CREG2: variants seen among roughly 807,000 people sequenced by gnomAD.
The protein encoded by CREG2 is cellular repressor of E1A stimulated genes 2.
In CREG2, 24 loss-of-function variants were observed where a neutral mutation model predicts 26.2. That is an observed-to-expected ratio of 0.92 (90% CI 0.66 to 1.29). The LOEUF (loss-of-function observed/expected upper bound fraction) is 1.29. Among genes scored for constraint, CREG2 ranks in the 50% most tolerant of loss-of-function variants. The probability of loss-of-function intolerance (pLI) is 0.00; values close to 1 mark genes in which losing one functional copy is unlikely to be tolerated. For synonymous variants in CREG2, 174 were observed against 169.2 expected, an observed-to-expected ratio of 1.03 and a Z score of -0.22; for missense variants, 366 against 398.6, an observed-to-expected ratio of 0.92 and a Z score of 0.70.
rs185370268 is a variant in CREG2, at chr2:101,368,559, C to T, written c.612-13193G>A. Among the ~76,000 whole-genome samples the T allele has an allele frequency of 8.2e-4, 125 of 152,270 alleles. 1 individual carries two copies. The highest frequency in any genetic ancestry group is 2.8e-3 in the African/African-American group (118 of 41,550). The stretch of plus-strand genomic sequence containing the variant: ...TCCAGCAGGAGACACAGACACCAGA[C>T]GGCTTGCCACGCAATTAGTGATTTC... On this transcript the variant is annotated intron_variant, in intron 2 of 3. Coordinates refer to ENST00000324768, the MANE Select transcript of CREG2 (RefSeq NM_153836.4).
chr2:101,372,030 G>C (rs889921885), intron 2 of CREG2, among the ~76,000 whole-genome samples: 7 of 152,188 alleles, frequency 4.6e-5, no homozygotes, highest in African/African-American at 1.7e-4. Flanking sequence ...GGTCAGGTTG[G>C]GCAGGAGCTG....
intron 2 of CREG2, among the ~76,000 whole-genome samples, chr2:101,360,748 A>T (rs549825788): frequency 1.3e-5 from 2 of 152,186 alleles, no homozygotes; most frequent in South Asian, 4.1e-4. Context: ...AGAAAAAAAA[A>T]AAAAAGAAAG....
intron 2 of CREG2, among the ~76,000 whole-genome samples, chr2:101,372,945 C>T (rs957158287): frequency 7.9e-5 from 12 of 152,190 alleles, no homozygotes; most frequent in African/African-American, 2.2e-4. Context: ...CAAGATATTA[C>T]TTCACACCCA....
intron 2 of CREG2, among the ~76,000 whole-genome samples, chr2:101,361,321 T>C (rs1684536692): frequency 6.6e-6 from 1 of 152,182 alleles, no homozygotes. Context: ...AACATGTGAA[T>C]ATGTTCCCTT....
At chr2:101,376,568 C>G (rs973609442) in intron 2 of CREG2, among the ~76,000 whole-genome samples, 4 of 152,188 alleles carry the variant, frequency 2.6e-5, no homozygotes, top group African/African-American at 9.7e-5. Flanking sequence ...GCATGAGCCA[C>G]CTCACCTGGC....
At chr2:101,360,165 T>C (rs1349466467) in intron 2 of CREG2, among the ~76,000 whole-genome samples, 2 of 152,182 alleles carry the variant, frequency 1.3e-5, no homozygotes, top group East Asian at 3.9e-4. Context: ...AAATGTTGAT[T>C]TACTGGGCAC....
Position 101,346,491 on chromosome 2 carries a change from C to T in CREG2, c.*4432G>A, listed in dbSNP as rs777368200. On this transcript the variant is annotated 3_prime_UTR_variant, in exon 4 of 4. Coordinates refer to ENST00000324768, the MANE Select transcript of CREG2 (RefSeq NM_153836.4). The stretch of plus-strand genomic sequence containing the variant: ...TCCTCCTAAGTGACCCACTTAAAAT[C>T]TATACAGCAGATTTGTTGAATTCTT... The T allele has an allele frequency of 6.6e-6, 1 of 152,174 alleles. No individual in the cohort carries two copies. The highest frequency in any genetic ancestry group is 1.5e-5 in the Non-Finnish European group (1 of 68,028). The allele number at this position is 152,174 out of a possible 1,614,324, so 9.4% of individuals were successfully genotyped here.
chr2:101,351,044 C>T lies in CREG2; in HGVS notation c.752G>A (p.Arg251His), dbSNP rs149973647. Residue 251 changes from arginine to histidine, a missense_variant, in exon 4 of 4, where the codon CGT (arginine) becomes CAT (histidine). Physicochemically the swap from Arg to His is conservative, Grantham distance 29. This residue lies in a region of CREG2 where 174 missense variants were observed against 178.2 expected (regional missense o/e 0.98). Transcript: ENST00000324768. ...SRHPGMRKWP[R>H]QYEWFFMKMR... ...CTTCATAAAGAACCATTCATATTGA[C>T]GAGGCCACTTCCTCATCCCTGGGTG... The T allele has an allele frequency of 6.8e-5, 110 of 1,614,116 alleles. No individual in the cohort carries two copies. Among genetic ancestry groups the T allele is most frequent in the African/African-American group, 3.3e-4 (25 of 75,054 alleles).
chr2:101,377,390 C>G (rs1299642913), intron 2 of CREG2, among the ~76,000 whole-genome samples: 1 of 152,138 alleles, frequency 6.6e-6, no homozygotes. Flanking sequence ...GAGTCCTCCC[C>G]GGTCCCAAAG....
chr2:101,360,119 CT>C (rs1032739054), intron 2 of CREG2, among the ~76,000 whole-genome samples: 3 of 152,144 alleles, frequency 2.0e-5, no homozygotes, highest in Non-Finnish European at 4.4e-5. Flanking sequence ...CCTTTACTCC[CT>C]TTTTTTCTTT....
At chr2:101,380,123 T>A (rs569712547) in intron 2 of CREG2, among the ~76,000 whole-genome samples, 1 of 152,352 alleles carries the variant, frequency 6.6e-6, no homozygotes, top group African/African-American at 2.4e-5. Flanking sequence ...CTATGTATAA[T>A]CTATTTTTCC....
intron 2 of CREG2, among the ~76,000 whole-genome samples, chr2:101,372,631 C>T: frequency 6.6e-6 from 1 of 152,206 alleles, no homozygotes; most frequent in African/African-American, 2.4e-5. Context: ...TGACAGAGAA[C>T]ATGTGCAACT....
At chr2:101,377,760 C>T (rs1490952374) in intron 2 of CREG2, among the ~76,000 whole-genome samples, 1 of 152,174 alleles carries the variant, frequency 6.6e-6, no homozygotes, top group Admixed American at 6.5e-5. Flanking sequence ...GAAGGCATCA[C>T]AGCACCCAGG....
At chr2:101,382,700 T>C (rs1684895261) in intron 2 of CREG2, 2 of 985,276 alleles carry the variant, frequency 2.0e-6, no homozygotes, top group South Asian at 9.4e-5. Flanking sequence ...ACTAATACAT[T>C]GTTTGGTTAT....
In CREG2 at chr2:101,383,721, G is replaced by A; in HGVS notation, c.442-19C>T. The A allele has an allele frequency of 6.3e-7, 1 of 1,577,552 alleles. No homozygotes were observed. The highest frequency in any genetic ancestry group is 8.6e-7 in the Non-Finnish European group (1 of 1,162,204). ...CTTGGATCTAACAAACACCAAAAAA[G>A]GCTTTTTCAGTGCAGAGCTGTGGCT... On this transcript the variant is annotated intron_variant, in intron 1 of 3. Coordinates refer to ENST00000324768, the MANE Select transcript of CREG2 (RefSeq NM_153836.4).
Position 101,383,540 on chromosome 2 carries a change from A to T in CREG2, c.604T>A (p.Phe202Ile), listed in dbSNP as rs781214547. The T allele has an allele frequency of 3.1e-6, 5 of 1,613,038 alleles. No homozygotes were observed. The South Asian group carries it at 3.3e-5, about 11-fold the overall frequency. The change falls in exon 2 of 4, where the codon TTC becomes ATC. Residue 202 changes from phenylalanine (F) to isoleucine (I), a missense_variant. Phe to Ile is a conservative substitution (Grantham distance 21). Around this residue, in one of 3 missense-constraint regions of CREG2, gnomAD observed 174 missense variants for 178.2 expected, o/e 0.98. Coordinates refer to ENST00000324768, the MANE Select transcript of CREG2 (RefSeq NM_153836.4). ...SLMLPESEGEFCRKNIVDPED... is the reference protein window; with the variant it reads ...SLMLPESEGEICRKNIVDPED... The stretch of plus-strand genomic sequence containing the variant: ...GGGCAAACCGTCGTCTACCTGCAGA[A>T]CTCCCCTTCTGATTCTGGCAGCATC...
intron 2 of CREG2, among the ~76,000 whole-genome samples, chr2:101,374,972 G>T (rs1345030477): frequency 1.3e-5 from 2 of 152,130 alleles, no homozygotes; most frequent in African/African-American, 4.8e-5. Flanking sequence ...ACAACATAAA[G>T]GCAAACTGAC....
intron 2 of CREG2, among the ~76,000 whole-genome samples, chr2:101,376,764 T>C (rs1287257115): frequency 6.6e-6 from 1 of 152,220 alleles, no homozygotes; most frequent in African/African-American, 2.4e-5. Flanking sequence ...TTTGTTACCA[T>C]CACATGATCA....
chr2:101,380,055 A>G (rs1258423153), intron 2 of CREG2, among the ~76,000 whole-genome samples: 1 of 144,402 alleles, frequency 6.9e-6, no homozygotes, highest in Admixed American at 6.9e-5. Flanking sequence ...CTATTCATCC[A>G]TCCATCCATC....
Sources: gnomAD v4.1 joint callset for allele counts (sites outside exome capture counted in the v4.1 genomes callset) on GRCh38, gnomAD v4.1.1 for gene constraint, gnomAD v4.1.1 regional missense constraint, MANE v1.5 for transcripts, NCBI Gene and HGNC (gene_info 2026-07-23, HGNC 2026-07-21) for gene names.